Variants in SULT1E1 observed in about 807,000 individuals in gnomAD.
SULT1E1 encodes the protein sulfotransferase 1E1.
In SULT1E1, 36 loss-of-function variants were observed where a neutral mutation model predicts 33.6. The observed-to-expected ratio is 1.07, with a 90% confidence interval of 0.82 to 1.41. The LOEUF (loss-of-function observed/expected upper bound fraction) is 1.41, where lower values mean the gene tolerates loss of function less well. SULT1E1 is among the 40% of genes most tolerant of loss of function. SULT1E1 has a pLI of 0.00. For missense variants in SULT1E1, 371 were observed against 345.7 expected, an observed-to-expected ratio of 1.07 and a Z score of -0.58; for synonymous variants, 121 against 111.7, an observed-to-expected ratio of 1.08 and a Z score of -0.53.
At chr4:69,824,273 C>A in the SULT1E1 span, among the ~76,000 whole-genome samples, 1 of 152,196 alleles carries the variant, frequency 6.6e-6, no homozygotes, top group Non-Finnish European at 1.5e-5. Context: ...CAGAATCTAA[C>A]TTCCTGGATA....
At position 69,849,464 on chromosome 4, in the gene SULT1E1, A is replaced by G. The variant is rs202059677; in HGVS notation, c.469T>C (p.Phe157Leu). 1 of 1,611,782 alleles carries G rather than the reference A, an allele frequency of 6.2e-7. No homozygotes were observed. Among genetic ancestry groups the G allele is most frequent in the Non-Finnish European group, 8.5e-7 (1 of 1,178,316 alleles). ...TGTCCTTGCATGAATTTCTCCACAA[A>G]CTCTGGAAAGGATCCAGGATTTGGA... ...GHPNPGSFPE[F>L]VEKFMQGQVP... The change falls in exon 5 of 8, where the codon TTT becomes CTT. Residue 157 changes from phenylalanine to leucine, a missense_variant. Phe to Leu is a conservative substitution (Grantham distance 22). Transcript: ENST00000226444.
chr4:69,829,630 G>A, the SULT1E1 span, among the ~76,000 whole-genome samples: 1 of 152,174 alleles, frequency 6.6e-6, no homozygotes, highest in Middle Eastern at 3.2e-3. Context: ...ATCTGTGCCT[G>A]CAGGTTTTGA....
intron 7 of SULT1E1, among the ~76,000 whole-genome samples, chr4:69,842,569 A>G (rs776223097): frequency 1.4e-4 from 21 of 152,192 alleles, no homozygotes; most frequent in Non-Finnish European, 2.6e-4. Flanking sequence ...TCCTTAGCAT[A>G]TTGTGTTTTC....
At chr4:69,831,047 T>A in the SULT1E1 span, among the ~76,000 whole-genome samples, 1 of 152,176 alleles carries the variant, frequency 6.6e-6, no homozygotes, top group Non-Finnish European at 1.5e-5. Context: ...TAACTTTCTG[T>A]AGCTCTGATT....
chr4:69,823,321 C>A, the SULT1E1 span, among the ~76,000 whole-genome samples: 3 of 152,146 alleles, frequency 2.0e-5, no homozygotes, highest in African/African-American at 7.2e-5. Context: ...GTACAACTAG[C>A]CTCCCATTGC....
chr4:69,835,045 C>A, the SULT1E1 span, among the ~76,000 whole-genome samples: 1 of 152,240 alleles, frequency 6.6e-6, no homozygotes, highest in Admixed American at 6.5e-5. Flanking sequence ...ATATGCATAA[C>A]TCCATCCTTA....
intron 1 of SULT1E1, among the ~76,000 whole-genome samples, chr4:69,859,547 A>G (rs945109112): frequency 6.6e-6 from 1 of 152,162 alleles, no homozygotes; most frequent in Non-Finnish European, 1.5e-5. Context: ...AGTTTCTACT[A>G]AGTAAGGATT....
At chr4:69,854,105 A>T in intron 4 of SULT1E1, 112 bp downstream of exon 4, 4 of 613,948 alleles carry the variant, frequency 6.5e-6, no homozygotes, top group Non-Finnish European at 1.1e-5. Context: ...ACATTTGTTA[A>T]GTGTCTATAG....
chr4:69,852,171 T>C lies in SULT1E1; in HGVS notation c.369+2046A>G, dbSNP rs115308736. Among the ~76,000 whole-genome samples, 535 of 152,252 alleles carry C rather than the reference T, an allele frequency of 3.5e-3. 1 individual carries two copies. The highest frequency in any genetic ancestry group is 0.012 in the African/African-American group (490 of 41,556). On this transcript the variant is annotated intron_variant, in intron 4 of 7. Transcript: ENST00000226444. ...TCCTATGATACTTAACTAACTAATCTATACCTCTCCTATCTGATGCTATTT... is the reference window on the plus strand; with the variant it reads ...TCCTATGATACTTAACTAACTAATCCATACCTCTCCTATCTGATGCTATTT...
downstream of SULT1E1, among the ~76,000 whole-genome samples, chr4:69,838,166 C>G (rs899513493): frequency 2.6e-5 from 4 of 152,160 alleles, no homozygotes; most frequent in African/African-American, 9.6e-5. Flanking sequence ...CCTCTGTTTT[C>G]CCATCTTTGT....
chr4:69,854,344 A>G, intron 3 of SULT1E1, 30 bp from the exon 4 acceptor site: 1 of 1,456,656 alleles, frequency 6.9e-7, no homozygotes, highest in Non-Finnish European at 9.5e-7. Flanking sequence ...AGGTTAAGCA[A>G]CTTCAAAAAT....
chr4:69,832,604 T>G, the SULT1E1 span, among the ~76,000 whole-genome samples: 5 of 152,174 alleles, frequency 3.3e-5, no homozygotes, highest in Non-Finnish European at 7.3e-5. Context: ...AGTATACCCC[T>G]TACTATGCAG....
Position 69,842,030 on chromosome 4 carries a change from C to T in SULT1E1, c.849G>A (p.Met283Ile). The T allele has an allele frequency of 6.2e-7, 1 of 1,609,958 alleles. No individual in the cohort carries two copies. The highest frequency in any genetic ancestry group is 2.2e-5 in the East Asian group (1 of 44,558). ...TTCGAAACTTCAGTGTAGATTCCTT[C>T]ATTTGCTGCTCATAATGTTTATCAA... The part of the protein sequence containing the change: ...EKFDKHYEQQ[M>I]KESTLKFRTE... The change falls in exon 8 of 8, where the codon ATG (methionine) becomes ATA (isoleucine). Residue 283 changes from methionine to isoleucine, a missense_variant. Coordinates refer to ENST00000226444, the MANE Select transcript of SULT1E1 (RefSeq NM_005420.3).
the SULT1E1 span, among the ~76,000 whole-genome samples, chr4:69,829,232 A>G: frequency 1.8e-4 from 27 of 152,196 alleles, no homozygotes; most frequent in Non-Finnish European, 2.8e-4. Flanking sequence ...TATATTCACT[A>G]GACAGCTTCC....
chr4:69,839,016 G>T (rs576670757), downstream of SULT1E1, among the ~76,000 whole-genome samples: 1 of 152,136 alleles, frequency 6.6e-6, no homozygotes, highest in East Asian at 1.9e-4. Context: ...ATGCTGTCAG[G>T]CATAGTCTCA....
chr4:69,843,347 A>G (rs1720916485), intron 7 of SULT1E1, among the ~76,000 whole-genome samples: 1 of 152,212 alleles, frequency 6.6e-6, no homozygotes, highest in Non-Finnish European at 1.5e-5. Flanking sequence ...AATTTTGAAA[A>G]AGGAAACATA....
chr4:69,855,019 T>G (rs1333066183), intron 3 of SULT1E1, among the ~76,000 whole-genome samples: 1 of 152,038 alleles, frequency 6.6e-6, no homozygotes, highest in Non-Finnish European at 1.5e-5. Flanking sequence ...ATTTAAAATA[T>G]CATCACATTT....
chr4:69,839,827 A>G (rs1303567346), downstream of SULT1E1, among the ~76,000 whole-genome samples: 3 of 152,226 alleles, frequency 2.0e-5, no homozygotes, highest in South Asian at 6.2e-4. Flanking sequence ...TCCCAGCCGT[A>G]TTACTTCTCC....
intron 1 of SULT1E1, among the ~76,000 whole-genome samples, chr4:69,858,017 A>T (rs1416474446): frequency 6.6e-6 from 1 of 152,154 alleles, no homozygotes; most frequent in Non-Finnish European, 1.5e-5. Flanking sequence ...GAGGTCCAGA[A>T]TTACAGTTAT....
Sources: allele counts gnomAD v4.1 joint callset (sites outside exome capture counted in the v4.1 genomes callset), GRCh38; gene constraint gnomAD v4.1.1; transcripts MANE v1.5; gene names NCBI Gene and HGNC (gene_info 2026-07-23, HGNC 2026-07-21).